The following WNT2B variants were observed in gnomAD, a reference collection of about 807,000 sequenced individuals.
The protein encoded by WNT2B is Wnt family member 2B, also known as protein Wnt-2b.
WNT2B carries 19 observed loss-of-function variants against 40.5 expected under a neutral mutation model. That is an observed-to-expected ratio of 0.47 (90% CI 0.33 to 0.69). WNT2B has a LOEUF of 0.69. Ranked by LOEUF, WNT2B falls within the 30% of genes least tolerant of loss-of-function variation. WNT2B has a pLI of 0.02. For synonymous variants in WNT2B, 220 were observed against 211.9 expected (o/e 1.04, Z -0.33); for missense variants, 467 against 556.4 (o/e 0.84, Z 1.62).
chr1:112,522,013 A>C lies in WNT2B; in HGVS notation c.*1504A>C, dbSNP rs1652907062. The C allele has an allele frequency of 6.6e-6, 1 of 152,016 alleles. No individual in the cohort carries two copies. Among genetic ancestry groups the C allele is most frequent in the African/African-American group, 2.4e-5 (1 of 41,354 alleles). 9.4% of individuals were successfully genotyped at this position (152,016 alleles called of 1,614,324 possible). A position where few individuals can be genotyped will look rare whatever the true frequency, so the allele number is the denominator to read the frequency against. On this transcript the variant is annotated 3_prime_UTR_variant, in exon 5 of 5. Transcript: ENST00000369684. ...TCTCATCTGTAAAATGAGGATACGT[A>C]CCTGTTCTTTTTTTTCTTTCTTTTT...
In WNT2B at chr1:112,481,958, C is replaced by A. The variant is rs900071522; in HGVS notation, c.-95+14367C>A. Among the ~76,000 whole-genome samples the A allele has an allele frequency of 2.0e-5, 3 of 152,070 alleles. No homozygotes were observed. The East Asian group carries it at 5.8e-4, about 29-fold the overall frequency. Reference sequence around the variant, plus strand: ...GGTCAGGAGTTTGAGACCAGCCTGGCCAACATGGTGAAACCCCATCTCTAC... The same window carrying A: ...GGTCAGGAGTTTGAGACCAGCCTGGACAACATGGTGAAACCCCATCTCTAC... On this transcript the variant is annotated intron_variant, in intron 1 of 4. Coordinates refer to the WNT2B transcript ENST00000256640.
chr1:112,516,045 G>A (rs922869133), intron 2 of WNT2B, 95 bp from the exon 3 acceptor site: 4 of 1,484,214 alleles, frequency 2.7e-6, no homozygotes, highest in Non-Finnish European at 3.6e-6. Flanking sequence ...AAGAAAATTA[G>A]GGAAGAGGTT....
Position 112,514,954 on chromosome 1 carries a change from G to T in WNT2B, c.263G>T (p.Arg88Leu). The T allele has an allele frequency of 6.2e-7, 1 of 1,614,220 alleles. No individual in the cohort carries two copies. The highest frequency in any genetic ancestry group is 8.5e-7 in the Non-Finnish European group (1 of 1,180,042). ...AGCCGGCAGCGGCAGCTGTGCCAGC[G>T]TTACCCAGACATCATGCGTTCAGTG... The part of the protein sequence containing the change: ...LVSRQRQLCQ[R>L]YPDIMRSVGE... The change falls in exon 2 of 5, where the codon CGT (arginine) becomes CTT (leucine). Residue 88 changes from arginine to leucine, a missense_variant. Physicochemically the swap from Arg to Leu is moderately radical, Grantham distance 102. Transcript: ENST00000369684.
At chr1:112,514,297 C>T (rs1652449343) in intron 1 of WNT2B, among the ~76,000 whole-genome samples, 1 of 152,126 alleles carries the variant, frequency 6.6e-6, no homozygotes, top group Non-Finnish European at 1.5e-5. Flanking sequence ...CTCCCCGGAC[C>T]TCACGATTGG....
Position 112,515,284 on chromosome 1 carries a change from C to T in WNT2B, c.403+190C>T, listed in dbSNP as rs900852065. Reference sequence around the variant, plus strand: ...CATCTTAGATTTGTAGACAGGGGCTCCTCTAAATCTTAGTGCTCTGGGACA... The same window carrying T: ...CATCTTAGATTTGTAGACAGGGGCTTCTCTAAATCTTAGTGCTCTGGGACA... On this transcript the variant is annotated intron_variant, in intron 2 of 4. Transcript: ENST00000369684. This position sits in a 1 kb window ranked among gnomAD's most constrained non-coding sequence, Gnocchi z 4.4. Among the ~76,000 whole-genome samples, 11 of 152,184 alleles carry T rather than the reference C, an allele frequency of 7.2e-5. No homozygotes were observed. Among genetic ancestry groups the T allele is most frequent in the African/African-American group, 2.7e-4 (11 of 41,440 alleles).
intron 1 of WNT2B, among the ~76,000 whole-genome samples, chr1:112,484,635 A>G (rs946805279): frequency 1.3e-5 from 2 of 151,446 alleles, no homozygotes; most frequent in African/African-American, 4.8e-5. Context: ...CATGCCTGGC[A>G]TGTGCCTGTA....
intron 1 of WNT2B, among the ~76,000 whole-genome samples, chr1:112,503,506 C>T (rs1056737234): frequency 2.0e-5 from 3 of 152,028 alleles, no homozygotes; most frequent in Non-Finnish European, 4.4e-5. Flanking sequence ...AGCAAACATA[C>T]ACACCAAGGA....
intron 1 of WNT2B, among the ~76,000 whole-genome samples, chr1:112,488,582 C>T (rs1270098582): frequency 1.4e-5 from 2 of 146,976 alleles, no homozygotes; most frequent in African/African-American, 2.5e-5. Flanking sequence ...GATAGAGTCT[C>T]GCTCTGTCGC....
At chr1:112,467,825 C>G (rs1650750739) in intron 1 of WNT2B, among the ~76,000 whole-genome samples, 1 of 152,200 alleles carries the variant, frequency 6.6e-6, no homozygotes, top group African/African-American at 2.4e-5. Flanking sequence ...CAAGTCCTCT[C>G]TTCTAGTTAC....
intron 1 of WNT2B, among the ~76,000 whole-genome samples, chr1:112,513,598 C>T (rs941007669): frequency 2.0e-5 from 3 of 152,202 alleles, no homozygotes; most frequent in Non-Finnish European, 4.4e-5. Context: ...TTTCCCCTCC[C>T]CACACCAGCT....
chr1:112,526,985 G>A lies in WNT2B; in HGVS notation c.*6476G>A, dbSNP rs1653549704. The stretch of plus-strand genomic sequence containing the variant: ...TCCTGCAGAGAAACCCATGAGATGA[G>A]GCAGACAGCAGATTTTCACTTGATC... On this transcript the variant is annotated 3_prime_UTR_variant, in exon 5 of 5. Coordinates refer to ENST00000369684, the MANE Select transcript of WNT2B (RefSeq NM_024494.3). 1 of 152,134 alleles carries A rather than the reference G, an allele frequency of 6.6e-6. No individual in the cohort carries two copies. The highest frequency in any genetic ancestry group is 1.5e-5 in the Non-Finnish European group (1 of 68,052). The allele number at this position is 152,134 out of a possible 1,614,324, so 9.4% of individuals were successfully genotyped here. A position where few individuals can be genotyped will look rare whatever the true frequency, so the allele number is the denominator to read the frequency against.
chr1:112,473,079 G>GGAAGAA, intron 1 of WNT2B, among the ~76,000 whole-genome samples: 2 of 140,172 alleles, frequency 1.4e-5, no homozygotes, highest in African/African-American at 2.7e-5. Context: ...GAAAAAGAAA[G>GGAAGAA]AAAGAAACAC....
In WNT2B at chr1:112,526,160, AGGAC is replaced by A. The variant is rs766619366; in HGVS notation, c.*5652_*5655del. 390 of 1,612,198 alleles carry A rather than the reference AGGAC, an allele frequency of 2.4e-4. 6 individuals are homozygous for A. In the South Asian group the frequency reaches 4.1e-3, roughly 17 times the overall value. ...AATGTTCAAGCCCTGTAGGAGTCCC[AGGAC>A]AGCCAAGAGAGTATATCTGAGCACA... On this transcript the variant is annotated 3_prime_UTR_variant, in exon 5 of 5. Transcript: ENST00000369684.
At chr1:112,477,152 A>T (rs114608869) in intron 1 of WNT2B, among the ~76,000 whole-genome samples, 2,097 of 152,264 alleles carry the variant, frequency 0.014, 39 homozygotes, top group African/African-American at 0.048. Flanking sequence ...AATTTACCCT[A>T]TACATGTCTT....
chr1:112,513,426 G>A (rs1454764820), intron 1 of WNT2B, among the ~76,000 whole-genome samples: 1 of 152,172 alleles, frequency 6.6e-6, no homozygotes, highest in African/African-American at 2.4e-5. Context: ...GGGACAGATG[G>A]GCCCCATCAG....
chr1:112,495,565 G>T (rs570952886), intron 1 of WNT2B, among the ~76,000 whole-genome samples: 188 of 151,498 alleles, frequency 1.2e-3, no homozygotes, highest in African/African-American at 4.3e-3. Context: ...CTCCAGCCTG[G>T]GTGACAGAGC....
Position 112,509,040 on chromosome 1 carries a change from A to T in WNT2B, c.-223A>T. ...ACCCGGTCCTCAGGCAGCGCGCCCCAGACCCCGGGTTCGGCACGCCGTCGT... is the reference window on the plus strand; with the variant it reads ...ACCCGGTCCTCAGGCAGCGCGCCCCTGACCCCGGGTTCGGCACGCCGTCGT... On this transcript the variant is annotated 5_prime_UTR_variant, in exon 1 of 5. Coordinates refer to ENST00000369684, the MANE Select transcript of WNT2B (RefSeq NM_024494.3). The surrounding 1 kb of genome is among the most constrained non-coding windows in gnomAD (Gnocchi z 4.2). 3 of 1,352,872 alleles carry T rather than the reference A, an allele frequency of 2.2e-6. No individual in the cohort carries two copies. Among genetic ancestry groups the T allele is most frequent in the Middle Eastern group, 2.7e-4 (1 of 3,670 alleles). The allele number at this position is 1,352,872 out of a possible 1,614,324, so 83.8% of individuals were successfully genotyped here.
chr1:112,520,533 C>CT lies in WNT2B; in HGVS notation c.*25dup, dbSNP rs1211785078. 1 of 1,608,764 alleles carries CT rather than the reference C, an allele frequency of 6.2e-7. No individual in the cohort carries two copies. The highest frequency in any genetic ancestry group is 1.1e-5 in the South Asian group (1 of 90,522). On this transcript the variant is annotated 3_prime_UTR_variant, in exon 5 of 5. Transcript: ENST00000369684. ...GAACACACAGATACCTCACTCATCC[C>CT]TCCAATTCAAGCCTCTCAACTCAAA...
chr1:112,467,764 G>A (rs1466718263), intron 1 of WNT2B, among the ~76,000 whole-genome samples: 1 of 152,128 alleles, frequency 6.6e-6, no homozygotes, highest in Non-Finnish European at 1.5e-5. Flanking sequence ...CAGGATATTT[G>A]GGGTATCCAT....
Sources: gnomAD v4.1 joint callset for allele counts (sites outside exome capture counted in the v4.1 genomes callset) on GRCh38, gnomAD v4.1.1 for gene constraint, Gnocchi (gnomAD v3.1) non-coding constraint, MANE v1.5 for transcripts, NCBI Gene and HGNC (gene_info 2026-07-23, HGNC 2026-07-21) for gene names.